The following RGS6 variants were observed in gnomAD, a reference collection of about 807,000 sequenced individuals.
The protein encoded by RGS6 is regulator of G protein signaling 6.
Under a neutral mutation model 78.5 loss-of-function variants are expected in RGS6, and 30 were observed. That is an observed-to-expected ratio of 0.38 (90% CI 0.29 to 0.52). The LOEUF (loss-of-function observed/expected upper bound fraction) is 0.52. Among genes scored for constraint, RGS6 ranks in the 20% least tolerant of loss-of-function variants. The probability of loss-of-function intolerance (pLI) is 0.85; values close to 1 mark genes in which losing one functional copy is unlikely to be tolerated. For missense variants in RGS6, 495 were observed against 609.7 expected, an observed-to-expected ratio of 0.81 and a Z score of 1.98; for synonymous variants, 206 against 206.0, an observed-to-expected ratio of 1.00 and a Z score of 0.00.
chr14:72,491,963 G>T (rs1168774696), intron 12 of RGS6, among the ~76,000 whole-genome samples: 1 of 152,196 alleles, frequency 6.6e-6, no homozygotes, highest in Non-Finnish European at 1.5e-5. Context: ...GAGATGGGCA[G>T]TTTTTTCTTG....
intron 2 of RGS6, among the ~76,000 whole-genome samples, chr14:72,095,977 T>C (rs894220154): frequency 6.6e-6 from 1 of 152,096 alleles, no homozygotes; most frequent in African/African-American, 2.4e-5. Flanking sequence ...ACCTTAAAAA[T>C]AATGAGGAGG....
chr14:72,562,532 A>G lies in RGS6; in HGVS notation c.*65A>G, dbSNP rs1019280312. The G allele has an allele frequency of 6.2e-7, 1 of 1,600,130 alleles. No individual in the cohort carries two copies. The highest frequency in any genetic ancestry group is 1.1e-5 in the South Asian group (1 of 90,408). On this transcript the variant is annotated 3_prime_UTR_variant, in exon 18 of 18. Transcript: ENST00000553525. ...CCACAGGCAGGCGGCGGCGCTCCACATCTGCGGACAGAGTTTCCTTACGAG... is the reference window on the plus strand; with the variant it reads ...CCACAGGCAGGCGGCGGCGCTCCACGTCTGCGGACAGAGTTTCCTTACGAG...
rs2084962015 is a variant in RGS6 at position 72,008,244 on chromosome 14, T to A, written c.84+43369T>A. ...TGCATGTTGGGTGCATGGGGCCAGATAACTTGTTTCTTTATTTGCACATGC... is the reference window on the plus strand; with the variant it reads ...TGCATGTTGGGTGCATGGGGCCAGAAAACTTGTTTCTTTATTTGCACATGC... On this transcript the variant is annotated intron_variant, in intron 2 of 17. Transcript: ENST00000553525. Among the ~76,000 whole-genome samples the A allele has an allele frequency of 2.0e-5, 3 of 152,218 alleles. No individual in the cohort carries two copies. In the South Asian group the frequency reaches 6.2e-4, roughly 32 times the overall value.
chr14:72,351,650 G>A (rs969851661), intron 2 of RGS6, among the ~76,000 whole-genome samples: 6 of 152,142 alleles, frequency 3.9e-5, no homozygotes, highest in Non-Finnish European at 8.8e-5. Flanking sequence ...CCCAATAGCA[G>A]CATGTTAATC....
intron 3 of RGS6, among the ~76,000 whole-genome samples, chr14:72,420,769 T>TCAG (rs1209580390): frequency 7.2e-5 from 11 of 152,360 alleles, no homozygotes; most frequent in African/African-American, 2.6e-4. Context: ...CTAACAGGCT[T>TCAG]CAGCTCTGTA....
chr14:72,237,248 C>T (rs1243358311), intron 2 of RGS6, among the ~76,000 whole-genome samples: 1 of 152,114 alleles, frequency 6.6e-6, no homozygotes, highest in African/African-American at 2.4e-5. Context: ...AATCTATTTA[C>T]TTATCGATGG....
chr14:71,996,210 C>T (rs141727817), intron 2 of RGS6, among the ~76,000 whole-genome samples: 2 of 151,456 alleles, frequency 1.3e-5, no homozygotes, highest in Non-Finnish European at 2.9e-5. Flanking sequence ...AACCTCCCCA[C>T]ACCAATTGTT....
chr14:72,297,248 C>G (rs901936440), intron 2 of RGS6, among the ~76,000 whole-genome samples: 1 of 151,924 alleles, frequency 6.6e-6, no homozygotes, highest in South Asian at 2.1e-4. Flanking sequence ...AATGTTTGGG[C>G]TATTCTAGGT....
intron 2 of RGS6, among the ~76,000 whole-genome samples, chr14:72,331,578 G>C (rs1184078681): frequency 6.6e-6 from 1 of 152,120 alleles, no homozygotes; most frequent in Admixed American, 6.5e-5. Flanking sequence ...CTTTGAGACC[G>C]CAGTTCCATA....
At position 72,259,679 on chromosome 14, in the gene RGS6, G is replaced by A. The variant is rs189855391; in HGVS notation, c.85-92416G>A. Among the ~76,000 whole-genome samples, 4 of 151,568 alleles carry A rather than the reference G, an allele frequency of 2.6e-5. No homozygotes were observed. The South Asian group carries it at 6.3e-4, about 24-fold the overall frequency. On this transcript the variant is annotated intron_variant, in intron 2 of 17. Coordinates refer to ENST00000553525, the MANE Select transcript of RGS6 (RefSeq NM_001204424.2). ...TCCCAGCACTTTGGGAGGCTGAGGC[G>A]GGTGGATCACGAGGTCAGGAGATCG...
At chr14:72,459,533 T>C in intron 5 of RGS6, 99 bp from the exon 6 acceptor site, 1 of 1,081,180 alleles carries the variant, frequency 9.2e-7, no homozygotes, top group Admixed American at 1.8e-5. Context: ...AAGAAGGAGA[T>C]GGGGGAGAGC....
chr14:72,537,857 C>T (rs2097271086), intron 16 of RGS6: 1 of 293,284 alleles, frequency 3.4e-6, no homozygotes, highest in East Asian at 6.1e-5. Context: ...ATTGATTCTC[C>T]TTGTGGGTTT....
the RGS6 span, among the ~76,000 whole-genome samples, chr14:72,576,293 G>T: frequency 3.3e-5 from 5 of 152,072 alleles, no homozygotes; most frequent in Non-Finnish European, 7.4e-5. Flanking sequence ...CCCACATATG[G>T]AGTTCCCAGC....
intron 2 of RGS6, among the ~76,000 whole-genome samples, chr14:71,968,856 A>G (rs1012065379): frequency 3.3e-5 from 5 of 152,206 alleles, no homozygotes; most frequent in Admixed American, 1.3e-4. Flanking sequence ...TTTAAGTTCT[A>G]GGGTACATGT....
rs1351423864 is a variant in RGS6 at position 72,441,781 on chromosome 14, T to C, written c.185-12747T>C. ...AAGCAGCTGGCTGTCCCCTGAAAGA[T>C]GGCAAGTGGGGAATGATGATGGTGC... is the stretch of plus-strand genomic sequence containing the variant. On this transcript the variant is annotated intron_variant, in intron 3 of 17. Transcript: ENST00000553525. 2.6e-5 allele frequency among the ~76,000 whole-genome samples: 4 copies of C among 152,312 alleles called. No homozygotes were observed. In the East Asian group the frequency reaches 5.8e-4, roughly 22 times the overall value.
chr14:71,920,726 C>A, the RGS6 span, among the ~76,000 whole-genome samples: 1 of 152,204 alleles, frequency 6.6e-6, no homozygotes, highest in African/African-American at 2.4e-5. Flanking sequence ...ACTGCCTGCT[C>A]ATGTGTATAT....
At chr14:72,063,257 A>G (rs932048229) in intron 2 of RGS6, among the ~76,000 whole-genome samples, 4 of 152,182 alleles carry the variant, frequency 2.6e-5, no homozygotes, top group Non-Finnish European at 4.4e-5. Flanking sequence ...AGGAGCAGCC[A>G]TTGAGGAGAG....
At chr14:72,362,605 G>A (rs1040934549) in intron 3 of RGS6, among the ~76,000 whole-genome samples, 4 of 152,174 alleles carry the variant, frequency 2.6e-5, no homozygotes, top group Non-Finnish European at 5.9e-5. Context: ...TCTGCCAATA[G>A]GTTAGATTGG....
chr14:72,024,427 C>T (rs2089413345), intron 2 of RGS6, among the ~76,000 whole-genome samples: 1 of 152,180 alleles, frequency 6.6e-6, no homozygotes, highest in African/African-American at 2.4e-5. Flanking sequence ...AGTTCTATCC[C>T]AGGCCAAGTG....
Sources: allele counts gnomAD v4.1 joint callset (sites outside exome capture counted in the v4.1 genomes callset), GRCh38; gene constraint gnomAD v4.1.1; transcripts MANE v1.5; gene names NCBI Gene and HGNC (gene_info 2026-07-23, HGNC 2026-07-21).